Variants in CDH18 observed in about 807,000 individuals in gnomAD.
The protein encoded by CDH18 is cadherin 18.
A neutral mutation model predicts 67.9 loss-of-function variants in CDH18; 31 were observed. The ratio of observed to expected loss-of-function variants is 0.46; its 90% CI spans 0.34 to 0.62. CDH18 has a LOEUF of 0.62. Ranked by LOEUF, CDH18 falls within the 20% of genes least tolerant of loss-of-function variation. The pLI is 0.01. For synonymous variants in CDH18, 362 were observed against 347.2 expected, an observed-to-expected ratio of 1.04 and a Z score of -0.48; for missense variants, 890 against 975.5, an observed-to-expected ratio of 0.91 and a Z score of 1.17.
intron 2 of CDH18, among the ~76,000 whole-genome samples, chr5:20,137,144 G>C (rs1749799968): frequency 6.6e-6 from 1 of 152,080 alleles, no homozygotes; most frequent in Non-Finnish European, 1.5e-5. Flanking sequence ...GCTAGGTTGG[G>C]GAAGTTCTCC....
At chr5:20,370,490 T>C (rs1458678794) in intron 1 of CDH18, among the ~76,000 whole-genome samples, 1 of 152,154 alleles carries the variant, frequency 6.6e-6, no homozygotes, top group African/African-American at 2.4e-5. Flanking sequence ...CCGTTACCCA[T>C]AGCCTTACTC....
At chr5:20,547,392 C>G (rs943303912) in intron 1 of CDH18, among the ~76,000 whole-genome samples, 15 of 151,854 alleles carry the variant, frequency 9.9e-5, no homozygotes, top group African/African-American at 3.6e-4. Flanking sequence ...GAAACCCCGT[C>G]TCTACTAAAA....
intron 1 of CDH18, among the ~76,000 whole-genome samples, chr5:20,451,690 G>C (rs1200853549): frequency 3.3e-5 from 5 of 151,976 alleles, no homozygotes; most frequent in Admixed American, 3.3e-4. Flanking sequence ...TTTCAAAAAG[G>C]CATTTTTCTT....
intron 2 of CDH18, among the ~76,000 whole-genome samples, chr5:19,948,911 G>A (rs760978605): frequency 3.9e-5 from 6 of 152,260 alleles, no homozygotes; most frequent in Non-Finnish European, 7.4e-5. Context: ...AGGAAAGCTA[G>A]TGTATTAGGA....
intron 3 of CDH18, among the ~76,000 whole-genome samples, chr5:19,785,973 A>G (rs1775734915): frequency 6.6e-6 from 1 of 151,722 alleles, no homozygotes; most frequent in African/African-American, 2.4e-5. Context: ...AGTGATGGTA[A>G]AAATAAAATT....
chr5:19,794,115 G>T (rs1278121678), intron 3 of CDH18, among the ~76,000 whole-genome samples: 1 of 151,984 alleles, frequency 6.6e-6, no homozygotes, highest in East Asian at 1.9e-4. Context: ...ATTTGAAATA[G>T]TCCTACAAAT....
chr5:19,790,350 T>C (rs1257274335), intron 3 of CDH18, among the ~76,000 whole-genome samples: 1 of 152,202 alleles, frequency 6.6e-6, no homozygotes, highest in African/African-American at 2.4e-5. Flanking sequence ...TTCCTTCCTT[T>C]ATATATTTAA....
At chr5:19,722,820 G>A (rs1049502186) in intron 4 of CDH18, among the ~76,000 whole-genome samples, 1 of 151,982 alleles carries the variant, frequency 6.6e-6, no homozygotes, top group Non-Finnish European at 1.5e-5. Context: ...AATTGATCTT[G>A]TATGGAATTT....
chr5:20,340,282 C>T (rs1003674003), intron 1 of CDH18, among the ~76,000 whole-genome samples: 8 of 152,246 alleles, frequency 5.3e-5, no homozygotes, highest in Middle Eastern at 6.8e-3. Context: ...AGAAATAAGC[C>T]ATAGGACCAG....
chr5:19,742,321 G>C (rs1340420642), intron 4 of CDH18, among the ~76,000 whole-genome samples: 3 of 151,872 alleles, frequency 2.0e-5, no homozygotes, highest in Non-Finnish European at 4.4e-5. Flanking sequence ...CTGTATTCTT[G>C]TGACATATTT....
intron 2 of CDH18, among the ~76,000 whole-genome samples, chr5:20,013,750 A>G (rs548474631): frequency 6.6e-6 from 1 of 152,244 alleles, no homozygotes; most frequent in Non-Finnish European, 1.5e-5. Flanking sequence ...TACATACAAA[A>G]TCTTAAGGGA....
intron 3 of CDH18, among the ~76,000 whole-genome samples, chr5:19,801,250 A>G (rs1777437080): frequency 6.6e-6 from 1 of 152,206 alleles, no homozygotes; most frequent in Non-Finnish European, 1.5e-5. Context: ...TTTCTTCCTC[A>G]GCATTACTCA....
At chr5:20,520,544 A>C (rs1248040344) in intron 1 of CDH18, among the ~76,000 whole-genome samples, 1 of 152,120 alleles carries the variant, frequency 6.6e-6, no homozygotes, top group African/African-American at 2.4e-5. Context: ...CTTAGTGCTA[A>C]TATACAAGCA....
chr5:19,744,513 C>CACAA (rs66461967), intron 4 of CDH18, among the ~76,000 whole-genome samples: 10 of 151,024 alleles, frequency 6.6e-5, no homozygotes, highest in Non-Finnish European at 1.5e-4. Flanking sequence ...TACACACACA[C>CACAA]ACACACACAC....
intron 3 of CDH18, among the ~76,000 whole-genome samples, chr5:19,818,120 C>A (rs896817469): frequency 6.6e-6 from 1 of 152,086 alleles, no homozygotes; most frequent in Non-Finnish European, 1.5e-5. Flanking sequence ...GAACCCTGAT[C>A]TAAACCATAA....
At chr5:20,473,845 AGAG>A (rs1752255877) in intron 1 of CDH18, among the ~76,000 whole-genome samples, 1 of 152,162 alleles carries the variant, frequency 6.6e-6, no homozygotes, top group Admixed American at 6.5e-5. Flanking sequence ...CAAAATCAAT[AGAG>A]AAGACATTGT....
intron 1 of CDH18, among the ~76,000 whole-genome samples, chr5:20,302,633 C>T (rs1164863018): frequency 6.6e-6 from 1 of 152,168 alleles, no homozygotes; most frequent in African/African-American, 2.4e-5. Context: ...CATAAAATTG[C>T]TCCCGGCCCC....
chr5:20,390,710 C>A (rs1744770588), intron 1 of CDH18, among the ~76,000 whole-genome samples: 1 of 152,124 alleles, frequency 6.6e-6, no homozygotes, highest in African/African-American at 2.4e-5. Context: ...CGGCACTATT[C>A]ACAATAGCAA....
In CDH18 at chr5:20,538,136, A is replaced by G. The variant is rs145766558; in HGVS notation, c.-580+37326T>C. ...GAGACACCGAAGAGACAAATGTCCC[A>G]TTCTCCAAAAATGCAGAACACATCA... On this transcript the variant is annotated intron_variant, in intron 1 of 14. Coordinates refer to the CDH18 transcript ENST00000507958. 2.0e-5 allele frequency among the ~76,000 whole-genome samples: 3 copies of G among 152,304 alleles called. No individual in the cohort carries two copies. The East Asian group carries it at 5.8e-4, about 29-fold the overall frequency.
Sources: allele counts gnomAD v4.1 joint callset (sites outside exome capture counted in the v4.1 genomes callset), GRCh38; gene constraint gnomAD v4.1.1; transcripts MANE v1.5; gene names NCBI Gene and HGNC (gene_info 2026-07-23, HGNC 2026-07-21).